Variants in DMGDH observed in about 807,000 individuals in gnomAD.
DMGDH encodes dimethylglycine dehydrogenase, mitochondrial.
In DMGDH, 76 loss-of-function variants were observed where a neutral mutation model predicts 95.2. The observed-to-expected ratio is 0.80, with a 90% CI of 0.66 to 0.97. The LOEUF (loss-of-function observed/expected upper bound fraction) is 0.97. Ranked by LOEUF, DMGDH falls within the 50% of genes least tolerant of loss-of-function variation. DMGDH has a pLI of 0.00. For synonymous variants in DMGDH, 345 were observed against 377.6 expected (o/e 0.91, Z 1.00); for missense variants, 987 against 1,055.0 (o/e 0.94, Z 0.89).
chr5:79,010,673 G>A (rs1025979467), intron 14 of DMGDH, among the ~76,000 whole-genome samples: 2 of 152,040 alleles, frequency 1.3e-5, no homozygotes, highest in Non-Finnish European at 1.5e-5. Context: ...GCCTCCACAT[G>A]TTATTCTTTG....
intron 3 of DMGDH, among the ~76,000 whole-genome samples, chr5:79,055,180 AG>A (rs1169244235): frequency 6.6e-6 from 1 of 152,230 alleles, no homozygotes; most frequent in African/African-American, 2.4e-5. Flanking sequence ...AGATAAGCAG[AG>A]GGAAGAATGG....
chr5:79,016,034 C>T (rs1252349914), intron 14 of DMGDH, among the ~76,000 whole-genome samples: 1 of 151,774 alleles, frequency 6.6e-6, no homozygotes, highest in Non-Finnish European at 1.5e-5. Flanking sequence ...ATAAGGCAAG[C>T]CCATCTTGGC....
intron 2 of DMGDH, among the ~76,000 whole-genome samples, chr5:79,059,997 C>T (rs1374358199): frequency 6.6e-6 from 1 of 152,182 alleles, no homozygotes; most frequent in Non-Finnish European, 1.5e-5. Context: ...ACGCAATCTG[C>T]ACCATGTCAT....
At chr5:79,022,781 T>C (rs1208078439) in intron 14 of DMGDH, among the ~76,000 whole-genome samples, 1 of 152,242 alleles carries the variant, frequency 6.6e-6, no homozygotes, top group Non-Finnish European at 1.5e-5. Flanking sequence ...TATTTATCTA[T>C]GCCTTATCCC....
Position 79,020,797 on chromosome 5 carries a change from T to C in DMGDH, c.2250+3474A>G, listed in dbSNP as rs970773923. The C allele has an allele frequency of 1.1e-5, 11 of 984,928 alleles. No individual in the cohort carries two copies. In the South Asian group the frequency reaches 1.4e-4, roughly 13 times the overall value. 61.0% of individuals were successfully genotyped at this position (984,928 alleles called of 1,614,324 possible). A position where few individuals can be genotyped will look rare whatever the true frequency, so the allele number is the denominator to read the frequency against. On this transcript the variant is annotated intron_variant, in intron 14 of 15. Transcript: ENST00000255189. ...AGAGTGAGAAAAAGAGGGAGAAACA[T>C]ATTATAGAAAACAAATTCTTCTGAT...
chr5:79,063,910 T>C (rs1382577427), intron 1 of DMGDH, 123 bp from the exon 2 acceptor site: 2 of 1,052,362 alleles, frequency 1.9e-6, no homozygotes, highest in African/African-American at 1.6e-5. Context: ...ATTTGCATGA[T>C]ACTGATTTAA....
chr5:79,037,721 A>G (rs1038735880), intron 7 of DMGDH, among the ~76,000 whole-genome samples: 6 of 152,216 alleles, frequency 3.9e-5, no homozygotes, highest in Non-Finnish European at 8.8e-5. Context: ...TTTAGCAATT[A>G]GTTAATAGGT....
chr5:79,005,176 A>G, intron 15 of DMGDH, 97 bp downstream of exon 15: 1 of 1,541,400 alleles, frequency 6.5e-7, no homozygotes, highest in East Asian at 2.3e-5. Flanking sequence ...TCCAACAAAT[A>G]ATTAATAGCA....
At chr5:79,057,748 C>T (rs932472565) in intron 2 of DMGDH, among the ~76,000 whole-genome samples, 4 of 152,040 alleles carry the variant, frequency 2.6e-5, no homozygotes, top group African/African-American at 4.8e-5. Context: ...GCTAGTGACC[C>T]CCATTTTGTC....
At position 79,042,376 on chromosome 5, in the gene DMGDH, A is replaced by T; in HGVS notation, c.1100T>A (p.Val367Asp). The change falls in exon 7 of 16, where the codon GTT (valine) becomes GAT (aspartate). Residue 367 changes from valine to aspartate, a missense_variant. Val to Asp is a radical substitution (Grantham distance 152). Coordinates refer to ENST00000255189, the MANE Select transcript of DMGDH (RefSeq NM_013391.3). ...AGAATACGTGATAGGACCATTGACA[A>T]CATTGATGATGTCAGCCTTTTTCAA... is the stretch of plus-strand genomic sequence containing the variant. ...PVLKKADIIN[V>D]VNGPITYSPD... The T allele has an allele frequency of 6.2e-7, 1 of 1,614,132 alleles. No individual in the cohort carries two copies. Among genetic ancestry groups the T allele is most frequent in the East Asian group, 2.2e-5 (1 of 44,880 alleles).
rs761277898 is a variant in DMGDH, at chr5:79,055,924, G to A, written c.277-16C>T. ...TTAAACCTGCCTTAAAAGCAGAGAG[G>A]AAAAGAAATACTGAAAAAAAATTAA... is the stretch of plus-strand genomic sequence containing the variant. On this transcript the variant is annotated splice_polypyrimidine_tract_variant and intron_variant, in intron 2 of 15. Transcript: ENST00000255189. 15 of 1,502,900 alleles carry A rather than the reference G, an allele frequency of 1.0e-5. No homozygotes were observed. The highest frequency in any genetic ancestry group is 1.4e-5 in the Non-Finnish European group (15 of 1,079,500). The allele number at this position is 1,502,900 out of a possible 1,614,324, so 93.1% of individuals were successfully genotyped here.
At position 79,069,588 on chromosome 5, in the gene DMGDH, GC is replaced by G; in HGVS notation, c.32del (p.Gly11AlafsTer43). The G allele has an allele frequency of 7.3e-7, 1 of 1,363,232 alleles. No individual in the cohort carries two copies. Among genetic ancestry groups the G allele is most frequent in the Non-Finnish European group, 9.5e-7 (1 of 1,057,056 alleles). The allele number at this position is 1,363,232 out of a possible 1,614,324, so 84.4% of individuals were successfully genotyped here. A position where few individuals can be genotyped will look rare whatever the true frequency, so the allele number is the denominator to read the frequency against. On this transcript the variant is annotated frameshift_variant, in exon 1 of 16. Transcript: ENST00000255189. LOFTEE classifies it high-confidence loss of function. MLRPGAQLLR[G>X]LLLRSCPLQG... ...GCAGCGGGCAGCTCCGCAGCAGGAG[GC>G]CCCGCAGCAGCTGCGCGCCGGGACG...
intron 8 of DMGDH, 122 bp downstream of exon 8, chr5:79,033,117 A>G (rs543616698): frequency 1.0e-5 from 13 of 1,250,358 alleles, no homozygotes; most frequent in African/African-American, 1.0e-4. Context: ...CAGGGGCACA[A>G]TGCTTTTTGG....
chr5:79,022,786 T>C (rs1259374881), intron 14 of DMGDH, among the ~76,000 whole-genome samples: 1 of 152,236 alleles, frequency 6.6e-6, no homozygotes, highest in African/African-American at 2.4e-5. Context: ...ATCTATGCCT[T>C]ATCCCCAAAC....
chr5:79,034,937 G>A (rs371166236), intron 7 of DMGDH, among the ~76,000 whole-genome samples: 14 of 150,650 alleles, frequency 9.3e-5, no homozygotes, highest in Non-Finnish European at 2.1e-4. Flanking sequence ...GGCGCCTGTA[G>A]TCCCAGCTAC....
In DMGDH at chr5:79,043,327, G is replaced by A. The variant is rs145020413; in HGVS notation, c.995-846C>T. 7.4e-3 allele frequency among the ~76,000 whole-genome samples: 1,120 copies of A among 152,306 alleles called. 8 individuals carry two copies. Among genetic ancestry groups the A allele is most frequent in the Middle Eastern group, 0.014 (4 of 294 alleles). ...GATTTATTTGAAGGAGAAGCTGCCA[G>A]CATGGGGGAACAGCAGAGAGGGAGG... On this transcript the variant is annotated intron_variant, in intron 6 of 15. Transcript: ENST00000255189.
In DMGDH at chr5:79,021,795, T is replaced by C. The variant is rs965346413; in HGVS notation, c.2250+2476A>G. The stretch of plus-strand genomic sequence containing the variant: ...ACCAGAGAGAGAAATTCTTGGGCAG[T>C]CTTTCAAGTCTGATAAGCCCACTGT... On this transcript the variant is annotated intron_variant, in intron 14 of 15. Transcript: ENST00000255189. 5 of 1,105,108 alleles carry C rather than the reference T, an allele frequency of 4.5e-6. No homozygotes were observed. In the African/African-American group the frequency reaches 8.1e-5, roughly 18 times the overall value. 68.5% of individuals were successfully genotyped at this position (1,105,108 alleles called of 1,614,324 possible).
At chr5:79,031,369 C>T (rs1328627015) in intron 9 of DMGDH, among the ~76,000 whole-genome samples, 1 of 152,080 alleles carries the variant, frequency 6.6e-6, no homozygotes, top group Non-Finnish European at 1.5e-5. Context: ...TTAAAATGGC[C>T]CTAATTAAAT....
intron 5 of DMGDH, among the ~76,000 whole-genome samples, chr5:79,046,032 T>C (rs1561223987): frequency 1.3e-5 from 2 of 152,124 alleles, no homozygotes; most frequent in African/African-American, 4.8e-5. Context: ...GAAATCTAAC[T>C]GTGGGCATCA....
Sources: gnomAD v4.1 joint callset for allele counts (sites outside exome capture counted in the v4.1 genomes callset) on GRCh38, gnomAD v4.1.1 for gene constraint, MANE v1.5 for transcripts, NCBI Gene and HGNC (gene_info 2026-07-23, HGNC 2026-07-21) for gene names.